CAMK1D: variants seen among roughly 807,000 people sequenced by gnomAD.
The protein encoded by CAMK1D is calcium/calmodulin dependent protein kinase ID, also known as calcium/calmodulin-dependent protein kinase type 1D.
Under a neutral mutation model 47.7 loss-of-function variants are expected in CAMK1D, and 9 were observed. The ratio of observed to expected loss-of-function variants is 0.19; its 90% CI spans 0.11 to 0.33. The LOEUF is 0.33. CAMK1D is among the 10% of genes least tolerant of loss of function. The probability of loss-of-function intolerance (pLI) is 1.00; values close to 1 mark genes in which losing one functional copy is unlikely to be tolerated. For synonymous variants in CAMK1D, 184 were observed against 184.9 expected, an observed-to-expected ratio of 0.99 and a Z score of 0.04; for missense variants, 291 against 488.7, an observed-to-expected ratio of 0.60 and a Z score of 3.81.
At chr10:12,427,679 C>G (rs538945567) in intron 1 of CAMK1D, among the ~76,000 whole-genome samples, 1 of 123,192 alleles carries the variant, frequency 8.1e-6, no homozygotes, top group African/African-American at 2.9e-5. Context: ...GAGATACTTT[C>G]CTGGCTTCAC....
At chr10:12,455,919 C>T (rs1000752468) in intron 1 of CAMK1D, among the ~76,000 whole-genome samples, 2 of 152,180 alleles carry the variant, frequency 1.3e-5, no homozygotes, top group African/African-American at 2.4e-5. Flanking sequence ...TTAGCCAGTT[C>T]GTGCCAGTAT....
intron 1 of CAMK1D, among the ~76,000 whole-genome samples, chr10:12,377,587 T>G (rs1010233030): frequency 6.6e-6 from 1 of 152,210 alleles, no homozygotes; most frequent in Non-Finnish European, 1.5e-5. Flanking sequence ...ATTCAGGAGT[T>G]TATTAGATCA....
At chr10:12,758,713 C>T (rs1262256643) in intron 3 of CAMK1D, among the ~76,000 whole-genome samples, 1 of 152,130 alleles carries the variant, frequency 6.6e-6, no homozygotes, top group Admixed American at 6.5e-5. Context: ...GAATGGGAAG[C>T]AGGACAGGTA....
chr10:12,785,620 G>A (rs1267631557), intron 5 of CAMK1D, among the ~76,000 whole-genome samples: 1 of 152,188 alleles, frequency 6.6e-6, no homozygotes, highest in Non-Finnish European at 1.5e-5. Flanking sequence ...CACCTCCTGG[G>A]TCTGGAAACT....
intron 3 of CAMK1D, among the ~76,000 whole-genome samples, chr10:12,723,095 A>T (rs1389489402): frequency 1.3e-5 from 2 of 152,152 alleles, no homozygotes; most frequent in Non-Finnish European, 2.9e-5. Context: ...TGAAGAGGCT[A>T]AAGTCCCAGG....
At chr10:12,811,477 A>C (rs1406347882) in intron 6 of CAMK1D, among the ~76,000 whole-genome samples, 1 of 152,188 alleles carries the variant, frequency 6.6e-6, no homozygotes, top group East Asian at 1.9e-4. Flanking sequence ...CTTACTTTTA[A>C]ATCTTTTTTC....
intron 2 of CAMK1D, among the ~76,000 whole-genome samples, chr10:12,650,510 T>C (rs958639149): frequency 6.6e-6 from 1 of 152,200 alleles, no homozygotes; most frequent in African/African-American, 2.4e-5. Flanking sequence ...CACTCCTGGG[T>C]CCCTTCTCTG....
chr10:12,705,272 C>T (rs1452696138), intron 3 of CAMK1D, among the ~76,000 whole-genome samples: 1 of 152,030 alleles, frequency 6.6e-6, no homozygotes, highest in Non-Finnish European at 1.5e-5. Context: ...ACCATCCTGG[C>T]CAACATGGTG....
At chr10:12,561,332 G>C (rs971228620) in intron 2 of CAMK1D, among the ~76,000 whole-genome samples, 2 of 152,050 alleles carry the variant, frequency 1.3e-5, no homozygotes, top group Non-Finnish European at 2.9e-5. Flanking sequence ...GTACATGTGA[G>C]CCTGTCTGCT....
At chr10:12,392,626 T>C (rs186665914) in intron 1 of CAMK1D, among the ~76,000 whole-genome samples, 3 of 152,382 alleles carry the variant, frequency 2.0e-5, no homozygotes, top group African/African-American at 7.2e-5. Flanking sequence ...AGTTAATATA[T>C]GTATTACTTA....
intron 3 of CAMK1D, among the ~76,000 whole-genome samples, chr10:12,675,749 CATT>C (rs1312971864): frequency 6.6e-6 from 1 of 152,160 alleles, no homozygotes; most frequent in Non-Finnish European, 1.5e-5. Context: ...AAGACAAAGT[CATT>C]ATGGTGGCCT....
intron 1 of CAMK1D, among the ~76,000 whole-genome samples, chr10:12,455,583 A>G (rs905885494): frequency 2.0e-5 from 3 of 152,206 alleles, no homozygotes; most frequent in Admixed American, 6.5e-5. Flanking sequence ...ATGTTGTTGT[A>G]TGTAAAAGTT....
intron 2 of CAMK1D, among the ~76,000 whole-genome samples, chr10:12,581,982 GT>G (rs1037059001): frequency 2.0e-5 from 3 of 152,066 alleles, no homozygotes; most frequent in Non-Finnish European, 4.4e-5. Flanking sequence ...GTCTAGAGGG[GT>G]TTTTTTGATG....
chr10:12,482,847 C>T (rs984333664), intron 1 of CAMK1D, among the ~76,000 whole-genome samples: 1 of 152,172 alleles, frequency 6.6e-6, no homozygotes, highest in African/African-American at 2.4e-5. Context: ...TTCACAGCCG[C>T]GCTTTCTGTT....
At chr10:12,439,960 C>A (rs1832739234) in intron 1 of CAMK1D, among the ~76,000 whole-genome samples, 1 of 152,176 alleles carries the variant, frequency 6.6e-6, no homozygotes, top group African/African-American at 2.4e-5. Context: ...ACCATCAGAT[C>A]TCGTGAGAGA....
chr10:12,744,869 C>G (rs1354409214), intron 3 of CAMK1D, among the ~76,000 whole-genome samples: 1 of 152,112 alleles, frequency 6.6e-6, no homozygotes, highest in Non-Finnish European at 1.5e-5. Flanking sequence ...CCACTGTACT[C>G]CAGCCTGGGC....
At chr10:12,723,859 A>G (rs1055611116) in intron 3 of CAMK1D, among the ~76,000 whole-genome samples, 2 of 152,112 alleles carry the variant, frequency 1.3e-5, no homozygotes, top group Admixed American at 6.6e-5. Flanking sequence ...TGCTGCACCC[A>G]TTAACTCGTC....
Position 12,523,149 on chromosome 10 carries a change from G to A in CAMK1D, c.93-30076G>A, listed in dbSNP as rs1397367302. ...AGACGCTCCTCACCTCCCAGACGGG[G>A]TCGCGGCTGGGCAGAGGCGCTCCTC... On this transcript the variant is annotated intron_variant, in intron 1 of 10. Transcript: ENST00000619168. Among the ~76,000 whole-genome samples the A allele has an allele frequency of 2.0e-5, 3 of 151,802 alleles. No individual in the cohort carries two copies. In the East Asian group the frequency reaches 5.8e-4, roughly 30 times the overall value.
chr10:12,654,610 A>G (rs1032984374), intron 2 of CAMK1D, among the ~76,000 whole-genome samples: 38 of 152,246 alleles, frequency 2.5e-4, no homozygotes, highest in African/African-American at 9.2e-4. Context: ...TAATACTATT[A>G]TACTTGCTAA....
Sources: allele counts gnomAD v4.1 joint callset (sites outside exome capture counted in the v4.1 genomes callset), GRCh38; gene constraint gnomAD v4.1.1; transcripts MANE v1.5; gene names NCBI Gene and HGNC (gene_info 2026-07-23, HGNC 2026-07-21).